Variants in SPIDR observed in about 807,000 individuals in gnomAD.
The protein encoded by SPIDR is scaffold protein involved in DNA repair.
SPIDR carries 93 observed loss-of-function variants against 104.6 expected under a neutral mutation model. The ratio of observed to expected loss-of-function variants is 0.89; its 90% confidence interval spans 0.75 to 1.06. The LOEUF (loss-of-function observed/expected upper bound fraction) is 1.06, where lower values mean the gene tolerates loss of function less well. Among genes scored for constraint, SPIDR ranks in the 50% least tolerant of loss-of-function variants. SPIDR has a pLI of 0.00. For missense variants in SPIDR, 1,154 were observed against 1,111.2 expected, an observed-to-expected ratio of 1.04 and a Z score of -0.55; for synonymous variants, 431 against 416.9, an observed-to-expected ratio of 1.03 and a Z score of -0.41.
intron 5 of SPIDR, among the ~76,000 whole-genome samples, chr8:47,375,409 T>C (rs2058545311): frequency 6.6e-6 from 1 of 151,496 alleles, no homozygotes; most frequent in African/African-American, 2.4e-5. Context: ...GCCCAGCTAA[T>C]TTTTGTATTT....
intron 8 of SPIDR, among the ~76,000 whole-genome samples, chr8:47,486,742 G>T (rs1253911523): frequency 6.6e-6 from 1 of 152,170 alleles, no homozygotes; most frequent in East Asian, 1.9e-4. Context: ...TTCATATCCA[G>T]CCAAACTACG....
chr8:47,657,656 T>C (rs891795044), intron 10 of SPIDR, among the ~76,000 whole-genome samples: 1 of 152,076 alleles, frequency 6.6e-6, no homozygotes, highest in Non-Finnish European at 1.5e-5. Flanking sequence ...GGTAACTGGG[T>C]GAAGTGTACA....
chr8:47,640,810 TG>T (rs2154446813), intron 10 of SPIDR, among the ~76,000 whole-genome samples: 1 of 138,852 alleles, frequency 7.2e-6, no homozygotes, highest in South Asian at 2.4e-4. Context: ...CCCAAGTAGC[TG>T]GAACTACAGG....
At chr8:47,316,896 T>C (rs1774484679) in intron 5 of SPIDR, among the ~76,000 whole-genome samples, 1 of 152,206 alleles carries the variant, frequency 6.6e-6, no homozygotes, top group African/African-American at 2.4e-5. Context: ...TTATTGATGT[T>C]CATGCTGAGA....
intron 5 of SPIDR, among the ~76,000 whole-genome samples, chr8:47,370,087 C>T (rs1033016992): frequency 2.6e-5 from 4 of 151,716 alleles, no homozygotes; most frequent in East Asian, 3.9e-4. Context: ...TGATTGTCTC[C>T]GAAAAAGATG....
chr8:47,307,683 C>T (rs961607474), intron 5 of SPIDR, among the ~76,000 whole-genome samples: 5 of 151,544 alleles, frequency 3.3e-5, no homozygotes, highest in East Asian at 2.0e-4. Context: ...AGATTACAGG[C>T]GTGTGCCACC....
intron 8 of SPIDR, among the ~76,000 whole-genome samples, chr8:47,574,499 T>C (rs1012651902): frequency 1.3e-5 from 2 of 152,154 alleles, no homozygotes; most frequent in African/African-American, 4.8e-5. Context: ...GGCTCACGCC[T>C]GTAATCTCAG....
chr8:47,515,834 G>T (rs4873151), intron 8 of SPIDR, among the ~76,000 whole-genome samples: 12 of 152,110 alleles, frequency 7.9e-5, no homozygotes, highest in Non-Finnish European at 1.6e-4. Flanking sequence ...TTTTTGAGAC[G>T]GAGTCTCGCT....
chr8:47,590,561 A>T (rs1280433669), intron 8 of SPIDR, among the ~76,000 whole-genome samples: 1 of 152,022 alleles, frequency 6.6e-6, no homozygotes, highest in Non-Finnish European at 1.5e-5. Flanking sequence ...GTTCTTTTAA[A>T]TTTGTTTATA....
intron 16 of SPIDR, among the ~76,000 whole-genome samples, chr8:47,721,120 A>G (rs1589519347): frequency 6.6e-6 from 1 of 152,220 alleles, no homozygotes; most frequent in African/African-American, 2.4e-5. Flanking sequence ...GAAGTCTCAC[A>G]TCAGTTGTTT....
rs185615088 is a variant in SPIDR at position 47,308,277 on chromosome 8, C to T, written c.525+14247C>T. Among the ~76,000 whole-genome samples, 177 of 151,230 alleles carry T rather than the reference C, an allele frequency of 1.2e-3. 1 individual carries two copies. The highest frequency in any genetic ancestry group is 4.0e-3 in the African/African-American group (163 of 41,226). On this transcript the variant is annotated intron_variant, in intron 5 of 19. Transcript: ENST00000297423. Reference sequence around the variant, plus strand: ...GGGGTTTCGCCATGTTGCCCAGGCTCGTCTCAAACTCCTGACCTCAGGTGA... The same window carrying T: ...GGGGTTTCGCCATGTTGCCCAGGCTTGTCTCAAACTCCTGACCTCAGGTGA...
intron 5 of SPIDR, among the ~76,000 whole-genome samples, chr8:47,321,273 A>T (rs1352123624): frequency 6.6e-6 from 1 of 152,208 alleles, no homozygotes; most frequent in Non-Finnish European, 1.5e-5. Flanking sequence ...AATGTGCAAA[A>T]ATCACAAGCA....
At chr8:47,684,414 G>GTTCACACTCT (rs2077490416) in intron 11 of SPIDR, among the ~76,000 whole-genome samples, 1 of 152,154 alleles carries the variant, frequency 6.6e-6, no homozygotes, top group Non-Finnish European at 1.5e-5. Flanking sequence ...GATCACTGAG[G>GTTCACACTCT]GGAGAAGCTG....
At chr8:47,402,018 C>G (rs1554663380) in intron 6 of SPIDR, among the ~76,000 whole-genome samples, 1 of 152,228 alleles carries the variant, frequency 6.6e-6, no homozygotes, top group East Asian at 1.9e-4. Context: ...CACCCCAAAT[C>G]AAGAGAATAT....
chr8:47,665,231 A>G (rs2074743016), intron 10 of SPIDR, among the ~76,000 whole-genome samples: 1 of 152,252 alleles, frequency 6.6e-6, no homozygotes, highest in Non-Finnish European at 1.5e-5. Flanking sequence ...AGGGAGCCCC[A>G]GTGACAGTCT....
chr8:47,481,728 A>G (rs1251427524), intron 8 of SPIDR, among the ~76,000 whole-genome samples: 1 of 152,208 alleles, frequency 6.6e-6, no homozygotes, highest in African/African-American at 2.4e-5. Flanking sequence ...AGCCCATGTG[A>G]GTGACCAAGC....
At chr8:47,543,550 C>T (rs755713697) in intron 8 of SPIDR, among the ~76,000 whole-genome samples, 5 of 152,154 alleles carry the variant, frequency 3.3e-5, no homozygotes, top group Non-Finnish European at 5.9e-5. Context: ...AAGCCTAACA[C>T]AGGTATTTAT....
intron 1 of SPIDR, among the ~76,000 whole-genome samples, chr8:47,268,440 C>T (rs936664054): frequency 6.6e-5 from 10 of 152,196 alleles, no homozygotes; most frequent in African/African-American, 2.2e-4. Flanking sequence ...AATATTATTT[C>T]CCATGAGCAT....
intron 5 of SPIDR, among the ~76,000 whole-genome samples, chr8:47,329,609 C>T (rs1055312236): frequency 1.3e-5 from 2 of 152,152 alleles, no homozygotes; most frequent in African/African-American, 2.4e-5. Context: ...ATGCCAGTCA[C>T]GCATAGAAAC....
Sources: gnomAD v4.1 joint callset for allele counts (sites outside exome capture counted in the v4.1 genomes callset) on GRCh38, gnomAD v4.1.1 for gene constraint, MANE v1.5 for transcripts, NCBI Gene and HGNC (gene_info 2026-07-23, HGNC 2026-07-21) for gene names.